The following PPP1R1C variants were observed in gnomAD, a reference collection of about 807,000 sequenced individuals.
PPP1R1C encodes protein phosphatase 1 regulatory subunit 1C.
PPP1R1C carries 15 observed loss-of-function variants against 17.4 expected under a neutral mutation model. The observed-to-expected ratio is 0.86, with a 90% CI of 0.58 to 1.33. PPP1R1C has a LOEUF of 1.33. PPP1R1C is among the 40% of genes most tolerant of loss of function. The pLI, the probability that PPP1R1C is intolerant of heterozygous loss-of-function variation, is 0.00. For synonymous variants in PPP1R1C, 35 were observed against 43.1 expected (o/e 0.81, Z 0.73); for missense variants, 143 against 130.0 (o/e 1.10, Z -0.48).
chr2:181,979,255 T>C (rs956858636), intron 2 of PPP1R1C, among the ~76,000 whole-genome samples: 1 of 152,236 alleles, frequency 6.6e-6, no homozygotes, highest in African/African-American at 2.4e-5. Context: ...CCCCATATAC[T>C]AGGCTGCTAA....
At chr2:182,124,616 C>T (rs1028185761) in intron 5 of PPP1R1C, among the ~76,000 whole-genome samples, 4 of 151,952 alleles carry the variant, frequency 2.6e-5, no homozygotes, top group Non-Finnish European at 2.9e-5. Context: ...CCTTCACATC[C>T]CTCGTAAGTT....
At chr2:182,112,340 G>T (rs1389712508) in intron 4 of PPP1R1C, among the ~76,000 whole-genome samples, 1 of 152,054 alleles carries the variant, frequency 6.6e-6, no homozygotes, top group Non-Finnish European at 1.5e-5. Flanking sequence ...TCCTGGGCAA[G>T]GTTAAATTCT....
At chr2:182,107,151 A>G (rs972241926) in intron 4 of PPP1R1C, among the ~76,000 whole-genome samples, 2 of 152,338 alleles carry the variant, frequency 1.3e-5, no homozygotes, top group South Asian at 4.1e-4. Context: ...ATGGTAATAC[A>G]TTGCCAGGGG....
In PPP1R1C at chr2:182,060,189, T is replaced by C. The variant is rs945056647; in HGVS notation, c.143-1253T>C. On this transcript the variant is annotated intron_variant, in intron 2 of 4. Coordinates refer to ENST00000682840, the MANE Select transcript of PPP1R1C (RefSeq NM_001080545.3). ...AAAGAAAGTACAATGTATCAGAAGT[T>C]TCCATAACTTTTTAACATTTAGTAA... is the stretch of plus-strand genomic sequence containing the variant. Among the ~76,000 whole-genome samples the C allele has an allele frequency of 3.9e-5, 6 of 152,216 alleles. No homozygotes were observed. The East Asian group carries it at 1.2e-3, about 29-fold the overall frequency.
chr2:181,987,368 A>G (rs1017080916), intron 1 of PPP1R1C, among the ~76,000 whole-genome samples: 13 of 152,186 alleles, frequency 8.5e-5, no homozygotes, highest in African/African-American at 3.1e-4. Context: ...GAAAATAAAA[A>G]AGTTAACAAA....
intron 2 of PPP1R1C, among the ~76,000 whole-genome samples, chr2:181,979,248 C>T (rs1001098605): frequency 4.6e-5 from 7 of 152,154 alleles, no homozygotes; most frequent in Non-Finnish European, 1.0e-4. Flanking sequence ...GATATGACCC[C>T]ATATACTAGG....
chr2:182,081,203 A>G (rs1688465035), intron 4 of PPP1R1C, among the ~76,000 whole-genome samples: 2 of 152,222 alleles, frequency 1.3e-5, no homozygotes, highest in Admixed American at 1.3e-4. Context: ...ATGGAGAGGT[A>G]AGTAGTATAC....
At chr2:181,975,035 A>G (rs534116805) in intron 1 of PPP1R1C, among the ~76,000 whole-genome samples, 10 of 152,268 alleles carry the variant, frequency 6.6e-5, no homozygotes, top group Admixed American at 1.3e-4. Context: ...TCAGACATCA[A>G]TCATATGGGG....
chr2:182,012,388 C>T (rs1250196163), intron 2 of PPP1R1C, among the ~76,000 whole-genome samples: 1 of 151,916 alleles, frequency 6.6e-6, no homozygotes, highest in Admixed American at 6.6e-5. Context: ...TAGTTTTTCT[C>T]TCAAAGTTTG....
At chr2:181,971,908 T>A (rs1685014996) in intron 1 of PPP1R1C, among the ~76,000 whole-genome samples, 2 of 152,236 alleles carry the variant, frequency 1.3e-5, no homozygotes, top group South Asian at 4.2e-4. Context: ...GTGCACAGAT[T>A]CTCTTTGCTG....
At chr2:182,037,154 T>C (rs1352273171) in intron 2 of PPP1R1C, among the ~76,000 whole-genome samples, 2 of 152,188 alleles carry the variant, frequency 1.3e-5, no homozygotes, top group East Asian at 1.9e-4. Flanking sequence ...AATGCCAGAA[T>C]ATTAGATTAA....
At chr2:182,096,747 G>T (rs1379163893) in intron 4 of PPP1R1C, among the ~76,000 whole-genome samples, 2 of 151,956 alleles carry the variant, frequency 1.3e-5, no homozygotes, top group African/African-American at 4.8e-5. Flanking sequence ...TTCTCTTTCC[G>T]CAAAACCCTG....
intron 4 of PPP1R1C, among the ~76,000 whole-genome samples, chr2:182,080,237 T>A (rs557935007): frequency 2.0e-5 from 3 of 152,298 alleles, no homozygotes; most frequent in African/African-American, 7.2e-5. Context: ...CGACAGCACA[T>A]CCCCCAATAG....
upstream of PPP1R1C, among the ~76,000 whole-genome samples, chr2:181,984,782 C>A: frequency 6.6e-6 from 1 of 151,996 alleles, no homozygotes; most frequent in East Asian, 1.9e-4. Context: ...TAAGTACATC[C>A]AAAAACATAT....
downstream of PPP1R1C, among the ~76,000 whole-genome samples, chr2:182,121,496 A>T (rs933198905): frequency 2.0e-5 from 3 of 151,662 alleles, no homozygotes; most frequent in African/African-American, 7.3e-5. Context: ...TTATTTATTT[A>T]TTTATTTTTT....
intron 4 of PPP1R1C, among the ~76,000 whole-genome samples, chr2:182,081,649 A>G (rs755990441): frequency 5.9e-5 from 9 of 152,192 alleles, no homozygotes; most frequent in Non-Finnish European, 8.8e-5. Flanking sequence ...GAACTTCGAT[A>G]ACTTCTGGAT....
chr2:182,024,605 G>A (rs1042953587), intron 2 of PPP1R1C, among the ~76,000 whole-genome samples: 1 of 151,862 alleles, frequency 6.6e-6, no homozygotes, highest in African/African-American at 2.4e-5. Context: ...GTAAAAACTA[G>A]CAATATCTTG....
chr2:182,037,547 A>G (rs1443382470), intron 2 of PPP1R1C, among the ~76,000 whole-genome samples: 2 of 151,868 alleles, frequency 1.3e-5, no homozygotes, highest in Non-Finnish European at 2.9e-5. Context: ...AGATCACGCC[A>G]CTGCACTCCA....
chr2:182,065,369 G>T (rs1282414284), intron 4 of PPP1R1C, among the ~76,000 whole-genome samples: 1 of 152,058 alleles, frequency 6.6e-6, no homozygotes, highest in Admixed American at 6.6e-5. Flanking sequence ...CTAAGAGCTA[G>T]AAATAAATAT....
Sources: allele counts gnomAD v4.1 joint callset (sites outside exome capture counted in the v4.1 genomes callset), GRCh38; gene constraint gnomAD v4.1.1; transcripts MANE v1.5; gene names NCBI Gene and HGNC (gene_info 2026-07-23, HGNC 2026-07-21).